EXOC6: variants seen among roughly 807,000 people sequenced by gnomAD.
EXOC6 encodes the protein exocyst complex component 6.
In EXOC6, 60 loss-of-function variants were observed where a neutral mutation model predicts 112.5. That is an observed-to-expected ratio of 0.53 (90% confidence interval 0.43 to 0.66). The LOEUF (loss-of-function observed/expected upper bound fraction) is 0.66. Among genes scored for constraint, EXOC6 ranks in the 30% least tolerant of loss-of-function variants. The pLI is 0.00. For synonymous variants in EXOC6, 295 were observed against 308.0 expected (o/e 0.96, Z 0.44); for missense variants, 855 against 957.1 (o/e 0.89, Z 1.41).
rs142164439 is a variant in EXOC6, at chr10:92,987,941, G to A, written c.1954-9533G>A. On this transcript the variant is annotated intron_variant, in intron 18 of 21. Transcript: ENST00000260762. ...CCTCATCTGTAAAATGAGGTATGTG[G>A]CAACATATACCCTACAGATTTTTGT... 3.3e-3 allele frequency among the ~76,000 whole-genome samples: 500 copies of A among 152,116 alleles called. 3 individuals are homozygous for A. The highest frequency in any genetic ancestry group is 0.011 in the African/African-American group (475 of 41,488).
intron 20 of EXOC6, among the ~76,000 whole-genome samples, chr10:93,024,893 A>G (rs1321163422): frequency 2.0e-5 from 3 of 152,146 alleles, no homozygotes; most frequent in African/African-American, 4.8e-5. Flanking sequence ...TTTGGGATCA[A>G]CAGTTTTCTT....
At chr10:92,925,514 C>T (rs755678707) in intron 8 of EXOC6, among the ~76,000 whole-genome samples, 10 of 152,074 alleles carry the variant, frequency 6.6e-5, no homozygotes, top group Admixed American at 2.0e-4. Flanking sequence ...AGGTTGGTCT[C>T]GAACTCCTGG....
intron 1 of EXOC6, among the ~76,000 whole-genome samples, chr10:92,857,596 C>T (rs932525153): frequency 3.9e-5 from 6 of 152,178 alleles, no homozygotes; most frequent in Admixed American, 3.3e-4. Context: ...CTCCCACATA[C>T]ATCCTTTGTG....
chr10:92,915,564 G>GA (rs1307954903), intron 6 of EXOC6, among the ~76,000 whole-genome samples, 194 bp from the exon 7 acceptor site: 2,411 of 98,130 alleles, frequency 0.025, 27 homozygotes, highest in Non-Finnish European at 0.037. Flanking sequence ...GTGAGACCCT[G>GA]ATTTTTTTTT....
Position 93,014,280 on chromosome 10 carries a change from A to G in EXOC6, c.2169+13A>G, listed in dbSNP as rs548413144. 7 of 1,602,494 alleles carry G rather than the reference A, an allele frequency of 4.4e-6. No homozygotes were observed. In the South Asian group the frequency reaches 7.8e-5, roughly 18 times the overall value. ...TGACCTCAGACAAGTAAGATATAATAATGTACTTCCCATTTGTTGCCCTCT... is the reference window on the plus strand; with the variant it reads ...TGACCTCAGACAAGTAAGATATAATGATGTACTTCCCATTTGTTGCCCTCT... On this transcript the variant is annotated intron_variant, in intron 20 of 21. Coordinates refer to ENST00000260762, the MANE Select transcript of EXOC6 (RefSeq NM_019053.6).
chr10:92,910,262 T>A (rs535678305), intron 6 of EXOC6, among the ~76,000 whole-genome samples: 2 of 152,310 alleles, frequency 1.3e-5, no homozygotes, highest in East Asian at 3.9e-4. Context: ...CAAATGGTGG[T>A]ATATTCATAC....
At chr10:92,939,218 G>T (rs1037614263) in intron 12 of EXOC6, among the ~76,000 whole-genome samples, 1 of 152,024 alleles carries the variant, frequency 6.6e-6, no homozygotes, top group African/African-American at 2.4e-5. Context: ...TTGAGAATCT[G>T]GGAAATAGAG....
Position 92,936,286 on chromosome 10 carries a change from G to C in EXOC6, c.1212+401G>C. Among the ~76,000 whole-genome samples the C allele has an allele frequency of 1.3e-5, 2 of 152,218 alleles. 1 individual carries two copies. The stretch of plus-strand genomic sequence containing the variant: ...GTTCTGCCTGTGCTGTTGACTAATT[G>C]TATGCCTGCAGGTTCTTTAAGCTTT... On this transcript the variant is annotated intron_variant, in intron 12 of 21. Transcript: ENST00000260762.
At chr10:92,866,764 T>C (rs188444634) in intron 1 of EXOC6, among the ~76,000 whole-genome samples, 291 of 152,248 alleles carry the variant, frequency 1.9e-3, no homozygotes, top group African/African-American at 6.6e-3. Context: ...ACTGAAATTA[T>C]CAAGGTTTGC....
intron 14 of EXOC6, among the ~76,000 whole-genome samples, chr10:92,950,210 T>C (rs945910652): frequency 6.6e-6 from 1 of 152,178 alleles, no homozygotes; most frequent in African/African-American, 2.4e-5. Context: ...TAAAGTCTTT[T>C]GGTTGTGTGT....
chr10:93,047,624 T>G (rs751906389), intron 20 of EXOC6, among the ~76,000 whole-genome samples: 11 of 151,590 alleles, frequency 7.3e-5, no homozygotes, highest in Non-Finnish European at 1.6e-4. Flanking sequence ...GTTAAATTGG[T>G]ACTATTTGTC....
chr10:92,899,674 AT>A, intron 5 of EXOC6, 30 bp downstream of exon 5: 1 of 1,546,312 alleles, frequency 6.5e-7, no homozygotes, highest in Admixed American at 1.7e-5. Flanking sequence ...ATTGTTTTAA[AT>A]AAGAATTTTT....
Position 93,040,605 on chromosome 10 carries a change from A to G in EXOC6, c.2170-16319A>G, listed in dbSNP as rs545816480. 1.1e-3 allele frequency among the ~76,000 whole-genome samples: 167 copies of G among 152,088 alleles called. 2 individuals are homozygous for G. The highest frequency in any genetic ancestry group is 5.6e-4 in the Non-Finnish European group (38 of 67,990). Reference sequence around the variant, plus strand: ...AGCTATTTCCAATTTCTCTTCCCTCATTTGCATCCTTAAAAGAGTGGTTTA... The same window carrying G: ...AGCTATTTCCAATTTCTCTTCCCTCGTTTGCATCCTTAAAAGAGTGGTTTA... On this transcript the variant is annotated intron_variant, in intron 20 of 21. Coordinates refer to ENST00000260762, the MANE Select transcript of EXOC6 (RefSeq NM_019053.6).
At chr10:92,831,185 C>T, upstream of EXOC6, 1 of 443,328 alleles carries the variant, frequency 2.3e-6, no homozygotes, top group Non-Finnish European at 4.2e-6. Context: ...CTTAGCAGGA[C>T]TGAGAGGAGC....
intron 9 of EXOC6, among the ~76,000 whole-genome samples, chr10:92,931,585 C>T (rs148323518): frequency 6.6e-6 from 1 of 150,404 alleles, no homozygotes; most frequent in Non-Finnish European, 1.5e-5. Flanking sequence ...AATCTTTTGT[C>T]CATTCCACGC....
chr10:92,872,575 A>T (rs1214374468), intron 1 of EXOC6, among the ~76,000 whole-genome samples: 1 of 152,058 alleles, frequency 6.6e-6, no homozygotes, highest in African/African-American at 2.4e-5. Context: ...TGAGAGAGAT[A>T]TGTTAAAGTC....
At chr10:93,015,639 A>G (rs1844472847) in intron 20 of EXOC6, among the ~76,000 whole-genome samples, 1 of 152,226 alleles carries the variant, frequency 6.6e-6, no homozygotes, top group South Asian at 2.1e-4. Flanking sequence ...AGGCTGAGGC[A>G]GGAGAATCCC....
At position 92,988,978 on chromosome 10, in the gene EXOC6, A is replaced by G. The variant is rs139190230; in HGVS notation, c.1954-8496A>G. Among the ~76,000 whole-genome samples, 503 of 152,286 alleles carry G rather than the reference A, an allele frequency of 3.3e-3. 3 individuals carry two copies. Among genetic ancestry groups the G allele is most frequent in the African/African-American group, 0.012 (479 of 41,566 alleles). ...CTCTTCCCAAAGACATTCTAATGCA[A>G]CCTCTTTCACAAAGCCTTTGCTGAT... On this transcript the variant is annotated intron_variant, in intron 18 of 21. Transcript: ENST00000260762.
chr10:92,827,572 G>C (rs570677670), intron 1 of EXOC6, among the ~76,000 whole-genome samples: 59 of 144,904 alleles, frequency 4.1e-4, no homozygotes, highest in African/African-American at 1.2e-3. Context: ...CAGCATTTCT[G>C]TCTTTCAGCT....
Sources: allele counts gnomAD v4.1 joint callset (sites outside exome capture counted in the v4.1 genomes callset), GRCh38; gene constraint gnomAD v4.1.1; transcripts MANE v1.5; gene names NCBI Gene and HGNC (gene_info 2026-07-23, HGNC 2026-07-21).